NAA35: variants seen among roughly 807,000 people sequenced by gnomAD.
NAA35 encodes the protein MAK10 homolog, amino-acid N-acetyltransferase subunit.
Under a neutral mutation model 101.7 loss-of-function variants are expected in NAA35, and 18 were observed. The observed-to-expected ratio is 0.18, with a 90% confidence interval of 0.12 to 0.26. NAA35 has a LOEUF of 0.26. Ranked by LOEUF, NAA35 falls within the 10% of genes least tolerant of loss-of-function variation. The pLI is 1.00. For synonymous variants in NAA35, 267 were observed against 273.1 expected (o/e 0.98, Z 0.22); for missense variants, 601 against 886.8 (o/e 0.68, Z 4.09).
intron 2 of NAA35, among the ~76,000 whole-genome samples, chr9:85,947,226 A>G (rs1828808287): frequency 6.6e-6 from 1 of 152,118 alleles, no homozygotes; most frequent in Non-Finnish European, 1.5e-5. Context: ...GTGATCTGGA[A>G]TATTCTGTGA....
At chr9:86,004,920 T>C (rs1375640835) in intron 13 of NAA35, among the ~76,000 whole-genome samples, 1 of 152,180 alleles carries the variant, frequency 6.6e-6, no homozygotes, top group Non-Finnish European at 1.5e-5. Flanking sequence ...AACCTAACAA[T>C]GCAAACTGCA....
chr9:85,960,997 G>C (rs1181679391), intron 5 of NAA35, among the ~76,000 whole-genome samples: 1 of 152,210 alleles, frequency 6.6e-6, no homozygotes, highest in African/African-American at 2.4e-5. Context: ...AGGGAGCCAA[G>C]TAGGAGGAGT....
At chr9:85,990,713 T>C (rs1830863758) in intron 11 of NAA35, among the ~76,000 whole-genome samples, 2 of 152,344 alleles carry the variant, frequency 1.3e-5, no homozygotes, top group South Asian at 2.1e-4. Flanking sequence ...CTGAGCACAA[T>C]GGGCATGTGC....
chr9:85,975,172 TG>T lies in NAA35; in HGVS notation c.627+16del. Reference sequence around the variant, plus strand: ...GAAGAGTAAAGGTATATATGTTTTCTGTTTGGTGTGGGGTTTTGGTACACTT... The same window carrying T: ...GAAGAGTAAAGGTATATATGTTTTCTTTTGGTGTGGGGTTTTGGTACACTT... On this transcript the variant is annotated intron_variant, in intron 8 of 22. Transcript: ENST00000361671. 6.2e-7 allele frequency: 1 copy of T among 1,611,674 alleles called. No homozygotes were observed. The highest frequency in any genetic ancestry group is 8.5e-7 in the Non-Finnish European group (1 of 1,179,174).
At chr9:85,973,538 AG>A (rs763240140) in intron 6 of NAA35, among the ~76,000 whole-genome samples, 1 of 152,166 alleles carries the variant, frequency 6.6e-6, no homozygotes, top group Non-Finnish European at 1.5e-5. Flanking sequence ...GATTTGATAC[AG>A]GATGTAGAAA....
At chr9:86,020,006 T>G (rs772852087) in intron 21 of NAA35, among the ~76,000 whole-genome samples, 3 of 152,170 alleles carry the variant, frequency 2.0e-5, no homozygotes, top group Non-Finnish European at 4.4e-5. Context: ...TTATGTACTG[T>G]GATGGAATGC....
At chr9:86,003,732 G>T in intron 13 of NAA35, 88 bp downstream of exon 13, 2 of 728,584 alleles carry the variant, frequency 2.7e-6, no homozygotes, top group South Asian at 5.1e-5. Flanking sequence ...AAAGGTAGAT[G>T]CTTTTAAAGG....
intron 2 of NAA35, among the ~76,000 whole-genome samples, chr9:85,949,265 A>ATCCTTTCTTCCCTATTTTTCTTT (rs1828901563): frequency 6.8e-6 from 1 of 146,940 alleles, no homozygotes; most frequent in Non-Finnish European, 1.5e-5. Context: ...TTTTTTTCTT[A>ATCCTTTCTTCCCTATTTTTCTTT]TCCTTTCTTC....
chr9:86,017,299 A>T lies in NAA35; in HGVS notation c.1706-199A>T, dbSNP rs1201070221. Reference sequence around the variant, plus strand: ...TTACTTTATACTGGAATTTTATAGTATTAGCTATTTGGGGACATGATTATT... The same window carrying T: ...TTACTTTATACTGGAATTTTATAGTTTTAGCTATTTGGGGACATGATTATT... On this transcript the variant is annotated intron_variant, in intron 18 of 22. Transcript: ENST00000361671. 2.0e-5 allele frequency among the ~76,000 whole-genome samples: 3 copies of T among 152,234 alleles called. No individual in the cohort carries two copies. The East Asian group carries it at 5.8e-4, about 29-fold the overall frequency.
At chr9:85,985,089 CAA>C (rs1264694648) in intron 11 of NAA35, among the ~76,000 whole-genome samples, 1 of 152,090 alleles carries the variant, frequency 6.6e-6, no homozygotes, top group Non-Finnish European at 1.5e-5. Flanking sequence ...AAATGCAAAT[CAA>C]AATGAAAAGT....
chr9:86,018,999 T>C (rs1564330787), intron 21 of NAA35, among the ~76,000 whole-genome samples, 178 bp downstream of exon 21: 1 of 152,234 alleles, frequency 6.6e-6, no homozygotes, highest in Non-Finnish European at 1.5e-5. Flanking sequence ...GACTTCAAGT[T>C]ATTTTAAGAA....
At chr9:85,985,307 A>G (rs1302117939) in intron 11 of NAA35, among the ~76,000 whole-genome samples, 1 of 152,238 alleles carries the variant, frequency 6.6e-6, no homozygotes, top group African/African-American at 2.4e-5. Flanking sequence ...GTTATACACT[A>G]ATGCTCATAG....
At chr9:85,958,036 G>A (rs1235884767) in intron 3 of NAA35, among the ~76,000 whole-genome samples, 1 of 151,932 alleles carries the variant, frequency 6.6e-6, no homozygotes, top group African/African-American at 2.4e-5. Flanking sequence ...CCGCCTCCCG[G>A]GTTCAAGCGA....
At chr9:86,010,617 C>T (rs1831871922) in intron 15 of NAA35, among the ~76,000 whole-genome samples, 1 of 145,618 alleles carries the variant, frequency 6.9e-6, no homozygotes, top group African/African-American at 2.6e-5. Context: ...CTCTGTGGCC[C>T]AGGCGGGAGT....
chr9:85,997,692 C>T (rs1334675462), intron 12 of NAA35, among the ~76,000 whole-genome samples: 9 of 152,076 alleles, frequency 5.9e-5, no homozygotes, highest in Admixed American at 3.9e-4. Context: ...CCATGCTGGC[C>T]AGGCTGCTCT....
At chr9:85,999,838 G>A (rs924106281) in intron 12 of NAA35, among the ~76,000 whole-genome samples, 1 of 152,170 alleles carries the variant, frequency 6.6e-6, no homozygotes, top group African/African-American at 2.4e-5. Flanking sequence ...TATAAAATTT[G>A]GAAGATGCAG....
intron 14 of NAA35, 62 bp downstream of exon 14, chr9:86,007,526 T>C: frequency 8.2e-7 from 1 of 1,220,040 alleles, no homozygotes; most frequent in African/African-American, 1.5e-5. Flanking sequence ...CCAACTTCTC[T>C]GTACTCCTTC....
At chr9:85,965,683 A>C (rs1479398808) in intron 6 of NAA35, among the ~76,000 whole-genome samples, 1 of 152,122 alleles carries the variant, frequency 6.6e-6, no homozygotes, top group Non-Finnish European at 1.5e-5. Context: ...AAAAATTGGA[A>C]AAAAAATGAG....
At chr9:85,943,175 G>A (rs899291918) in intron 2 of NAA35, among the ~76,000 whole-genome samples, 5 of 152,058 alleles carry the variant, frequency 3.3e-5, no homozygotes, top group Non-Finnish European at 5.9e-5. Context: ...TTGCTTGAGG[G>A]GAAAGAGTCT....
Sources: allele counts gnomAD v4.1 joint callset (sites outside exome capture counted in the v4.1 genomes callset), GRCh38; gene constraint gnomAD v4.1.1; transcripts MANE v1.5; gene names NCBI Gene and HGNC (gene_info 2026-07-23, HGNC 2026-07-21).